The following GALNT2 variants were observed in gnomAD, a reference collection of about 807,000 sequenced individuals.
GALNT2 encodes polypeptide N-acetylgalactosaminyltransferase 2, also known as UDP-GalNAc:polypeptide N-acetylgalactosaminyltransferase 2.
A neutral mutation model predicts 81.4 loss-of-function variants in GALNT2; 31 were observed. The observed-to-expected ratio is 0.38, with a 90% confidence interval of 0.29 to 0.51. The LOEUF is 0.51. GALNT2 is among the 20% of genes least tolerant of loss of function. The pLI, the probability that GALNT2 is intolerant of heterozygous loss-of-function variation, is 0.87. For missense variants in GALNT2, 629 were observed against 765.7 expected, an observed-to-expected ratio of 0.82 and a Z score of 2.11; for synonymous variants, 303 against 287.4, an observed-to-expected ratio of 1.05 and a Z score of -0.55.
chr1:230,182,772 A>C (rs1663201332), intron 2 of GALNT2, among the ~76,000 whole-genome samples: 1 of 152,222 alleles, frequency 6.6e-6, no homozygotes, highest in Non-Finnish European at 1.5e-5. Flanking sequence ...TGTTGAGTTC[A>C]ACTCTGTCCT....
intron 1 of GALNT2, chr1:230,058,173 A>T: frequency 2.2e-6 from 1 of 453,002 alleles, no homozygotes; most frequent in Non-Finnish European, 4.4e-6. Context: ...AGCACTCCTG[A>T]CACTGGCCTC....
At chr1:230,214,142 C>T (rs971481452) in intron 3 of GALNT2, among the ~76,000 whole-genome samples, 2 of 147,418 alleles carry the variant, frequency 1.4e-5, no homozygotes, top group East Asian at 2.0e-4. Context: ...GACGGAGTCT[C>T]GCTCATGTTG....
At chr1:230,223,904 A>AG (rs1664629878) in intron 3 of GALNT2, among the ~76,000 whole-genome samples, 1 of 152,242 alleles carries the variant, frequency 6.6e-6, no homozygotes, top group Non-Finnish European at 1.5e-5. Context: ...AGAACTGCTC[A>AG]GGGGTCCCAC....
At chr1:230,235,316 CT>C (rs1206630252) in intron 3 of GALNT2, among the ~76,000 whole-genome samples, 2 of 151,172 alleles carry the variant, frequency 1.3e-5, no homozygotes, top group African/African-American at 4.9e-5. Flanking sequence ...TCTGCACCTG[CT>C]TTGTAGGTCT....
At chr1:230,149,028 G>A (rs1429195079) in intron 1 of GALNT2, among the ~76,000 whole-genome samples, 1 of 151,648 alleles carries the variant, frequency 6.6e-6, no homozygotes, top group Non-Finnish European at 1.5e-5. Context: ...CCACAGGCAC[G>A]TACCACCACG....
At chr1:230,067,799 T>C (rs1224801556) in intron 1 of GALNT2, among the ~76,000 whole-genome samples, 3 of 152,142 alleles carry the variant, frequency 2.0e-5, no homozygotes, top group African/African-American at 2.4e-5. Context: ...CAACGCGTCA[T>C]GTACAGCAGG....
chr1:230,068,975 C>T (rs2102740089), intron 1 of GALNT2, among the ~76,000 whole-genome samples: 1 of 152,338 alleles, frequency 6.6e-6, no homozygotes, highest in East Asian at 1.9e-4. Flanking sequence ...ACTTTGCTTC[C>T]CGGTAAACTG....
At chr1:230,204,517 T>C (rs1225650576) in intron 3 of GALNT2, among the ~76,000 whole-genome samples, 2 of 152,222 alleles carry the variant, frequency 1.3e-5, no homozygotes, top group East Asian at 3.9e-4. Flanking sequence ...TTGGGGTCTA[T>C]GAAGCTCAGC....
chr1:230,142,954 A>C (rs1181521342), intron 1 of GALNT2, among the ~76,000 whole-genome samples: 1 of 152,046 alleles, frequency 6.6e-6, no homozygotes, highest in Non-Finnish European at 1.5e-5. Flanking sequence ...ATTCCAGGAG[A>C]GCCATTTCCT....
chr1:230,133,068 T>C (rs528326244), intron 1 of GALNT2, among the ~76,000 whole-genome samples: 14 of 152,358 alleles, frequency 9.2e-5, no homozygotes, highest in South Asian at 4.1e-4. Flanking sequence ...TTGGTTTTTT[T>C]CCCTGCCTTG....
chr1:230,169,877 G>T (rs545663622), intron 1 of GALNT2, among the ~76,000 whole-genome samples: 1 of 152,114 alleles, frequency 6.6e-6, no homozygotes, highest in African/African-American at 2.4e-5. Flanking sequence ...TCTCATTTTC[G>T]CAGCATTGAG....
chr1:230,249,966 A>G (rs181304959), intron 9 of GALNT2, among the ~76,000 whole-genome samples: 1 of 152,336 alleles, frequency 6.6e-6, no homozygotes, highest in African/African-American at 2.4e-5. Context: ...TCCTGGGATG[A>G]TGAAGTGAGG....
chr1:230,276,360 T>A (rs1666308590), intron 15 of GALNT2, among the ~76,000 whole-genome samples: 1 of 152,100 alleles, frequency 6.6e-6, no homozygotes, highest in South Asian at 2.1e-4. Context: ...TGCCCATACT[T>A]GGAGTGCCTG....
rs551234343 is a variant in GALNT2, at chr1:230,059,554, G to A, written n.89+1476G>A. ...ATATGCCAGCCGTCTAGGGAAGCAA[G>A]TTGTAGTATCTTTTAGACGCTTGGG... On this transcript the variant is annotated intron_variant and non_coding_transcript_variant, in intron 1 of 6. Transcript: ENST00000494106. Among the ~76,000 whole-genome samples the A allele has an allele frequency of 3.9e-5, 6 of 152,338 alleles. No homozygotes were observed. In the East Asian group the frequency reaches 1.2e-3, roughly 29 times the overall value.
chr1:230,278,815 G>GA (rs1397516604), intron 15 of GALNT2, among the ~76,000 whole-genome samples: 1 of 152,230 alleles, frequency 6.6e-6, no homozygotes, highest in Non-Finnish European at 1.5e-5. Context: ...CCCCCGAGCA[G>GA]AAAGCCCTAA....
At chr1:230,185,339 C>CT (rs904424421) in intron 2 of GALNT2, among the ~76,000 whole-genome samples, 1 of 150,070 alleles carries the variant, frequency 6.7e-6, no homozygotes, top group Non-Finnish European at 1.5e-5. Context: ...CTTAGTGTGC[C>CT]TTGTAATTTT....
At chr1:230,058,077 G>A in exon 1 of GALNT2, 1 of 456,278 alleles carries the variant, frequency 2.2e-6, no homozygotes, top group Non-Finnish European at 4.4e-6. Context: ...ATGGCTGACA[G>A]AGTAAGTAGA....
intron 1 of GALNT2, among the ~76,000 whole-genome samples, chr1:230,170,086 C>T (rs142051527): frequency 6.6e-6 from 1 of 152,346 alleles, no homozygotes; most frequent in East Asian, 1.9e-4. Context: ...TGTCTTGTTC[C>T]TCACTCTGTA....
At chr1:230,146,666 A>T (rs776434395) in intron 1 of GALNT2, among the ~76,000 whole-genome samples, 76 of 152,158 alleles carry the variant, frequency 5.0e-4, no homozygotes, top group Non-Finnish European at 8.7e-4. Context: ...GTATAGTAAG[A>T]TGCATTAATG....
Sources: gnomAD v4.1 joint callset for allele counts (sites outside exome capture counted in the v4.1 genomes callset) on GRCh38, gnomAD v4.1.1 for gene constraint, MANE v1.5 for transcripts, NCBI Gene and HGNC (gene_info 2026-07-23, HGNC 2026-07-21) for gene names.